The following RTN3 variants were observed in gnomAD, a reference collection of about 807,000 sequenced individuals.
RTN3 encodes the protein reticulon 3.
RTN3 carries 49 observed loss-of-function variants against 77.8 expected under a neutral mutation model. The observed-to-expected ratio is 0.63, with a 90% CI of 0.50 to 0.80. The LOEUF is 0.80. Among genes scored for constraint, RTN3 ranks in the 30% least tolerant of loss-of-function variants. The pLI, the probability that RTN3 is intolerant of heterozygous loss-of-function variation, is 0.00. For synonymous variants in RTN3, 464 were observed against 446.9 expected (o/e 1.04, Z -0.48); for missense variants, 1,236 against 1,211.9 (o/e 1.02, Z -0.29).
chr11:63,714,153 G>C lies in RTN3; in HGVS notation c.200-4549G>C. ...TTTCCCATTGTCTTGGTACAGGTCA[G>C]CTGTGTCCAAGTTTGTTAGGGTTTC... On this transcript the variant is annotated intron_variant, in intron 2 of 8. Transcript: ENST00000377819. 1.2e-5 allele frequency: 5 copies of C among 421,998 alleles called. 1 individual carries two copies. Among genetic ancestry groups the C allele is most frequent in the South Asian group, 8.6e-5 (5 of 58,412 alleles). 26.1% of individuals were successfully genotyped at this position (421,998 alleles called of 1,614,324 possible). A position where few individuals can be genotyped will look rare whatever the true frequency, so the allele number is the denominator to read the frequency against.
chr11:63,717,020 A>G (rs910700364), intron 2 of RTN3, among the ~76,000 whole-genome samples: 1 of 149,148 alleles, frequency 6.7e-6, no homozygotes, highest in East Asian at 2.0e-4. Context: ...AAAATTAGCC[A>G]GGTGTGGTGG....
Position 63,681,698 on chromosome 11 carries a change from AGCCGTCCGCGCCCGGCGGC to A in RTN3, c.64_82del (p.Pro22AlafsTer42), listed in dbSNP as rs774791601. 1.2e-5 allele frequency: 20 copies of A among 1,611,020 alleles called. No homozygotes were observed. Among genetic ancestry groups the A allele is most frequent in the African/African-American group, 1.3e-5 (1 of 74,730 alleles). On this transcript the variant is annotated frameshift_variant, in exon 1 of 9. Transcript: ENST00000377819. LOFTEE classifies it high-confidence loss of function. ...ATCTCCTCGTCGTCCTTCGGAGCCG[AGCCGTCCGCGCCCGGCGGC>A]GGCGGGAGCCCAGGAGCCTGCCCCG...
chr11:63,731,457 C>G (rs1480809572), intron 3 of RTN3, among the ~76,000 whole-genome samples: 1 of 151,950 alleles, frequency 6.6e-6, no homozygotes, highest in Non-Finnish European at 1.5e-5. Flanking sequence ...ATGAAGATAT[C>G]TATGATGAAG....
chr11:63,721,354 C>A (rs2011782966), intron 3 of RTN3, among the ~76,000 whole-genome samples: 1 of 152,056 alleles, frequency 6.6e-6, no homozygotes, highest in African/African-American at 2.4e-5. Context: ...ACGGGCGGAT[C>A]ACAAGGTCAG....
At chr11:63,746,952 A>C (rs553962844) in intron 3 of RTN3, 1 of 456,042 alleles carries the variant, frequency 2.2e-6, no homozygotes, top group South Asian at 1.5e-5. Context: ...TCCAGAGTCC[A>C]GTCTAGGATC....
At chr11:63,709,801 G>T (rs1942662596) in intron 2 of RTN3, among the ~76,000 whole-genome samples, 1 of 152,140 alleles carries the variant, frequency 6.6e-6, no homozygotes, top group Admixed American at 6.6e-5. Context: ...TCCCTCAAAT[G>T]AATATGCATA....
At chr11:63,730,766 C>T (rs1032242586) in intron 3 of RTN3, among the ~76,000 whole-genome samples, 1 of 152,150 alleles carries the variant, frequency 6.6e-6, no homozygotes, top group African/African-American at 2.4e-5. Context: ...CTGCAGTGAA[C>T]CATGATCACA....
intron 3 of RTN3, among the ~76,000 whole-genome samples, chr11:63,749,005 G>A (rs1004398500): frequency 2.0e-5 from 3 of 151,816 alleles, no homozygotes; most frequent in African/African-American, 4.8e-5. Context: ...AGCTTGGCCA[G>A]GCATGGTGGC....
Position 63,758,591 on chromosome 11 carries a change from C to G in RTN3, c.*390C>G, listed in dbSNP as rs184803325. 5.3e-4 allele frequency: 221 copies of G among 416,090 alleles called. 1 individual carries two copies. The highest frequency in any genetic ancestry group is 4.3e-3 in the African/African-American group (208 of 48,906). The allele number at this position is 416,090 out of a possible 1,614,324, so 25.8% of individuals were successfully genotyped here. ...CTCAGCTATCCATTATAGTTTTGCC[C>G]TTAAGAAGTCATGATTAACTTATGA... On this transcript the variant is annotated 3_prime_UTR_variant, in exon 9 of 9. Coordinates refer to ENST00000377819, the MANE Select transcript of RTN3 (RefSeq NM_001265589.2).
At chr11:63,683,563 T>C (rs1467606623) in intron 1 of RTN3, among the ~76,000 whole-genome samples, 1 of 152,206 alleles carries the variant, frequency 6.6e-6, no homozygotes, top group Admixed American at 6.5e-5. Flanking sequence ...ATTCAACTTT[T>C]TCATTCTTTT....
At chr11:63,697,837 T>C (rs557555900) in intron 1 of RTN3, among the ~76,000 whole-genome samples, 1 of 152,166 alleles carries the variant, frequency 6.6e-6, no homozygotes, top group East Asian at 1.9e-4. Context: ...CCAGAAAAAA[T>C]TGTTTCTTTT....
At chr11:63,699,274 C>A (rs1237881499) in intron 1 of RTN3, among the ~76,000 whole-genome samples, 1 of 151,640 alleles carries the variant, frequency 6.6e-6, no homozygotes, top group African/African-American at 2.4e-5. Context: ...GTACTCCAGC[C>A]TGGGCGGGCG....
At chr11:63,688,240 T>C (rs75968035) in intron 1 of RTN3, among the ~76,000 whole-genome samples, 2 of 150,418 alleles carry the variant, frequency 1.3e-5, no homozygotes, top group African/African-American at 4.9e-5. Context: ...TTTTTTTTTT[T>C]TGAGACGGAG....
chr11:63,697,866 T>C (rs900688881), intron 1 of RTN3, among the ~76,000 whole-genome samples: 3 of 152,188 alleles, frequency 2.0e-5, no homozygotes, highest in Non-Finnish European at 4.4e-5. Context: ...TTTCAGACTT[T>C]TTTCTTCATT....
At chr11:63,721,060 G>A in intron 3 of RTN3, 28 bp downstream of exon 3, 1 of 1,540,238 alleles carries the variant, frequency 6.5e-7, no homozygotes, top group Non-Finnish European at 8.8e-7. Context: ...AATACTGCAT[G>A]TGGTTAATTC....
chr11:63,735,550 T>TTCTCTCTCTCTCTCTCTCTCTC lies in RTN3; in HGVS notation c.2531-14411_2531-14390dup, dbSNP rs71468640. Among the ~76,000 whole-genome samples, 102 of 42,718 alleles carry TTCTCTCTCTCTCTCTCTCTCTC rather than the reference T, an allele frequency of 2.4e-3. 19 individuals are homozygous for TTCTCTCTCTCTCTCTCTCTCTC. Among genetic ancestry groups the TTCTCTCTCTCTCTCTCTCTCTC allele is most frequent in the Non-Finnish European group, 2.9e-3 (69 of 23,686 alleles). 28.0% of individuals were successfully genotyped at this position (42,718 alleles called of 152,430 possible). On this transcript the variant is annotated intron_variant, in intron 3 of 8. Coordinates refer to ENST00000377819, the MANE Select transcript of RTN3 (RefSeq NM_001265589.2). The stretch of plus-strand genomic sequence containing the variant: ...AATTCAAAGTCCCAGATTCTAACAT[T>TTCTCTCTCTCTCTCTCTCTCTC]TCTCTCTCTCTCTCTCTCTCTCTCT...
At chr11:63,685,124 A>G (rs1229856864) in intron 1 of RTN3, among the ~76,000 whole-genome samples, 1 of 152,132 alleles carries the variant, frequency 6.6e-6, no homozygotes, top group Non-Finnish European at 1.5e-5. Flanking sequence ...AAAAAGCACT[A>G]ATACAGTTTT....
intron 3 of RTN3, among the ~76,000 whole-genome samples, chr11:63,745,698 C>G (rs546846673): frequency 6.6e-6 from 1 of 152,348 alleles, no homozygotes; most frequent in Admixed American, 6.5e-5. Context: ...CTGCACACAT[C>G]TAGGGGCACT....
At position 63,718,942 on chromosome 11, in the gene RTN3, TTGCAGCAGGAG is replaced by T. The variant is rs1440728592; in HGVS notation, c.442_452del (p.Ala148SerfsTer3). 1 of 1,614,192 alleles carries T rather than the reference TTGCAGCAGGAG, an allele frequency of 6.2e-7. No homozygotes were observed. The highest frequency in any genetic ancestry group is 8.5e-7 in the Non-Finnish European group (1 of 1,180,032). ...AACGTATCAGACTCTTCAGTTTCTC[TTGCAGCAGGAG>T]TTCATTGTGACCGTCCTTCTATTCC... On this transcript the variant is annotated frameshift_variant, in exon 3 of 9. Transcript: ENST00000377819. LOFTEE classifies it high-confidence loss of function.
Sources: gnomAD v4.1 joint callset for allele counts (sites outside exome capture counted in the v4.1 genomes callset) on GRCh38, gnomAD v4.1.1 for gene constraint, MANE v1.5 for transcripts, NCBI Gene and HGNC (gene_info 2026-07-23, HGNC 2026-07-21) for gene names.